Variants in SHROOM3 observed in about 807,000 individuals in gnomAD.
SHROOM3 encodes the protein shroom family member 3.
Under a neutral mutation model 138.6 loss-of-function variants are expected in SHROOM3, and 47 were observed. That is an observed-to-expected ratio of 0.34 (90% confidence interval 0.27 to 0.43). SHROOM3 has a LOEUF of 0.43. SHROOM3 is among the 20% of genes least tolerant of loss of function. The pLI is 1.00. For synonymous variants in SHROOM3, 1,062 were observed against 1,063.3 expected, an observed-to-expected ratio of 1.00 and a Z score of 0.02; for missense variants, 2,491 against 2,596.5, an observed-to-expected ratio of 0.96 and a Z score of 0.88.
At chr4:76,654,739 A>G (rs1396196102) in intron 2 of SHROOM3, among the ~76,000 whole-genome samples, 1 of 152,174 alleles carries the variant, frequency 6.6e-6, no homozygotes, top group Admixed American at 6.5e-5. Flanking sequence ...GGGTTCAAGG[A>G]TGATTGCCTC....
Position 76,577,138 on chromosome 4 carries a change from C to T in SHROOM3, c.323+21375C>T, listed in dbSNP as rs77387516. On this transcript the variant is annotated intron_variant, in intron 2 of 10. Coordinates refer to ENST00000296043, the MANE Select transcript of SHROOM3 (RefSeq NM_020859.4). ...AGGAGCTGGTCAAATAGATCTGACT[C>T]TAGCGTTCCAAAAGGGTAATCGGTG... 6.0e-3 allele frequency among the ~76,000 whole-genome samples: 919 copies of T among 152,306 alleles called. 14 individuals are homozygous for T. Among genetic ancestry groups the T allele is most frequent in the African/African-American group, 0.021 (868 of 41,560 alleles).
chr4:76,515,481 C>T (rs1266391978), intron 1 of SHROOM3, among the ~76,000 whole-genome samples: 2 of 151,964 alleles, frequency 1.3e-5, no homozygotes, highest in East Asian at 3.9e-4. Context: ...CCATTGTTCT[C>T]TGAGATTCCC....
chr4:76,778,675 C>A, intron 10 of SHROOM3, 134 bp from the exon 11 acceptor site: 1 of 1,176,284 alleles, frequency 8.5e-7, no homozygotes, highest in Non-Finnish European at 1.2e-6. Context: ...AAAAAGTTAG[C>A]CTCCTTACTT....
intron 4 of SHROOM3, 36 bp downstream of exon 4, chr4:76,730,971 C>T (rs1720857298): frequency 1.2e-6 from 2 of 1,613,190 alleles, no homozygotes; most frequent in Non-Finnish European, 1.7e-6. Flanking sequence ...GGGTTTCTTT[C>T]TTTCTAATGT....
At chr4:76,665,454 C>A (rs773566019) in intron 2 of SHROOM3, among the ~76,000 whole-genome samples, 13 of 152,186 alleles carry the variant, frequency 8.5e-5, no homozygotes, top group Non-Finnish European at 1.8e-4. Context: ...GTCAGAAGAA[C>A]CAGTCATCTG....
intron 3 of SHROOM3, chr4:76,716,381 G>GCTA (rs751002362): frequency 1.9e-6 from 1 of 519,042 alleles, no homozygotes; most frequent in South Asian, 1.4e-5. Flanking sequence ...CCAGAGGGTT[G>GCTA]CTATCTGGGA....
chr4:76,503,167 C>CCACACACACACACACACACACA lies in SHROOM3; in HGVS notation c.169-52433_169-52412dup, dbSNP rs111393161. Among the ~76,000 whole-genome samples, 575 of 145,924 alleles carry CCACACACACACACACACACACA rather than the reference C, an allele frequency of 3.9e-3. 3 individuals carry two copies. The highest frequency in any genetic ancestry group is 0.013 in the African/African-American group (502 of 39,416). On this transcript the variant is annotated intron_variant, in intron 1 of 10. Transcript: ENST00000296043. ...TATTTTAGAAATAGTTTGTCAACTT[C>CCACACACACACACACACACACA]CACACACACACACACACACACACAC...
At chr4:76,655,849 C>G (rs1736055345) in intron 2 of SHROOM3, among the ~76,000 whole-genome samples, 1 of 152,194 alleles carries the variant, frequency 6.6e-6, no homozygotes, top group African/African-American at 2.4e-5. Flanking sequence ...CACCTTCCTT[C>G]TCTCTGCTGG....
chr4:76,611,621 TA>T (rs1438241512), intron 2 of SHROOM3, among the ~76,000 whole-genome samples: 1 of 152,290 alleles, frequency 6.6e-6, no homozygotes, highest in East Asian at 1.9e-4. Context: ...TTACTGTTTT[TA>T]TATTTGCCCT....
At chr4:76,716,838 A>G (rs1473973147) in intron 3 of SHROOM3, among the ~76,000 whole-genome samples, 1 of 152,174 alleles carries the variant, frequency 6.6e-6, no homozygotes, top group African/African-American at 2.4e-5. Context: ...CTAGTAGCCA[A>G]GTTCTCTATT....
chr4:76,685,375 A>T (rs1719306274), intron 2 of SHROOM3, among the ~76,000 whole-genome samples: 1 of 131,510 alleles, frequency 7.6e-6, no homozygotes, highest in African/African-American at 3.6e-5. Context: ...GCTAAAAAAC[A>T]AAAAAAAATC....
chr4:76,747,416 T>C (rs1316545396), intron 5 of SHROOM3, among the ~76,000 whole-genome samples: 2 of 152,216 alleles, frequency 1.3e-5, no homozygotes, highest in East Asian at 3.8e-4. Flanking sequence ...AAGTGGTATT[T>C]TGATTGATAG....
chr4:76,766,617 G>A (rs574978226), intron 9 of SHROOM3, among the ~76,000 whole-genome samples: 7 of 152,152 alleles, frequency 4.6e-5, no homozygotes, highest in East Asian at 1.9e-4. Flanking sequence ...TCCCTCCCCC[G>A]GTGAGTTATT....
chr4:76,545,259 A>T (rs1445069526), intron 1 of SHROOM3, among the ~76,000 whole-genome samples: 2 of 152,190 alleles, frequency 1.3e-5, no homozygotes, highest in Non-Finnish European at 2.9e-5. Flanking sequence ...GGGGTCTGTG[A>T]ACTTTTCTTA....
In SHROOM3 at chr4:76,738,883, T is replaced by C; in HGVS notation, c.710T>C (p.Leu237Pro). ...EPSGAYPPCH[L>P]SPAKSTGSID... ...AGTGGGGCATACCCACCCTGTCATC[T>C]TTCCCCTGCCAAGTCCACCGGCAGC... Residue 237 changes from leucine (L) to proline (P), a missense_variant, in exon 5 of 11, where the codon CTT becomes CCT. Leu to Pro is a moderately conservative substitution (Grantham distance 98). Coordinates refer to ENST00000296043, the MANE Select transcript of SHROOM3 (RefSeq NM_020859.4). 1.9e-6 allele frequency: 3 copies of C among 1,614,216 alleles called. No individual in the cohort carries two copies. The highest frequency in any genetic ancestry group is 1.7e-6 in the Non-Finnish European group (2 of 1,180,026).
chr4:76,620,091 A>AAAAAAAAAAG (rs749696462), intron 2 of SHROOM3, among the ~76,000 whole-genome samples: 73 of 135,320 alleles, frequency 5.4e-4, no homozygotes, highest in East Asian at 2.1e-3. Flanking sequence ...AAAAAAAAAA[A>AAAAAAAAAAG]AAGAAGAAAA....
intron 2 of SHROOM3, chr4:76,688,878 C>G (rs1193846519): frequency 2.0e-6 from 2 of 985,098 alleles, no homozygotes; most frequent in Non-Finnish European, 2.4e-6. Flanking sequence ...GCGGCATTCA[C>G]CACCACCTGC....
At chr4:76,478,760 G>C (rs1731542548) in intron 1 of SHROOM3, among the ~76,000 whole-genome samples, 1 of 152,178 alleles carries the variant, frequency 6.6e-6, no homozygotes, top group South Asian at 2.1e-4. Context: ...TGCCCCTCTG[G>C]GATGAAGCTT....
At position 76,544,242 on chromosome 4, in the gene SHROOM3, G is replaced by A. The variant is rs1411629754; in HGVS notation, c.169-11367G>A. Among the ~76,000 whole-genome samples, 3 of 152,034 alleles carry A rather than the reference G, an allele frequency of 2.0e-5. No homozygotes were observed. In the East Asian group the frequency reaches 5.8e-4, roughly 29 times the overall value. On this transcript the variant is annotated intron_variant, in intron 1 of 10. Coordinates refer to ENST00000296043, the MANE Select transcript of SHROOM3 (RefSeq NM_020859.4). ...GCAAAATATGATGTTAGATTATGCA[G>A]AGTTGAAAAACAAAACAAATGAGTA...
Sources: allele counts gnomAD v4.1 joint callset (sites outside exome capture counted in the v4.1 genomes callset), GRCh38; gene constraint gnomAD v4.1.1; transcripts MANE v1.5; gene names NCBI Gene and HGNC (gene_info 2026-07-23, HGNC 2026-07-21).